The following FLT3 variants were observed in gnomAD, a reference collection of about 807,000 sequenced individuals.
FLT3 encodes receptor-type tyrosine-protein kinase FLT3.
FLT3 carries 46 observed loss-of-function variants against 126.6 expected under a neutral mutation model. The observed-to-expected ratio is 0.36, with a 90% confidence interval of 0.29 to 0.46. FLT3 has a LOEUF of 0.46. FLT3 is among the 20% of genes least tolerant of loss of function. FLT3 has a pLI of 1.00. For missense variants in FLT3, 1,069 were observed against 1,190.3 expected (o/e 0.90, Z 1.50); for synonymous variants, 404 against 434.4 (o/e 0.93, Z 0.87).
At chr13:28,061,228 C>T (rs904371271) in intron 3 of FLT3, among the ~76,000 whole-genome samples, 3 of 151,634 alleles carry the variant, frequency 2.0e-5, no homozygotes, top group African/African-American at 2.4e-5. Flanking sequence ...TGGTGGTGTG[C>T]GCCTGTGATC....
Position 28,085,420 on chromosome 13 carries a change from GT to G in FLT3, c.44-14809del, listed in dbSNP as rs199581457. Among the ~76,000 whole-genome samples, 94 of 151,428 alleles carry G rather than the reference GT, an allele frequency of 6.2e-4. 2 individuals are homozygous for G. In the East Asian group the frequency reaches 0.015, roughly 25 times the overall value. On this transcript the variant is annotated intron_variant, in intron 1 of 23. Transcript: ENST00000241453. ...TACTGTGACTATTGTTAGGTGGAAT[GT>G]TCCATAAATGTGATGTGGTCAAGTT... is the stretch of plus-strand genomic sequence containing the variant.
chr13:28,050,450 C>A (rs4769589), intron 5 of FLT3, among the ~76,000 whole-genome samples: 1 of 151,648 alleles, frequency 6.6e-6, no homozygotes, highest in Non-Finnish European at 1.5e-5. Flanking sequence ...AATTACATAA[C>A]AAAACAGTTT....
intron 1 of FLT3, among the ~76,000 whole-genome samples, chr13:28,084,973 T>TA (rs59333724): frequency 0.19 from 25,604 of 132,962 alleles, 2,425 homozygotes; most frequent in Middle Eastern, 0.23. Context: ...AGCCTTCCTC[T>TA]AAAAAAAAAA....
chr13:28,035,026 G>A (rs1873705562), intron 12 of FLT3, among the ~76,000 whole-genome samples: 2 of 152,126 alleles, frequency 1.3e-5, no homozygotes, highest in African/African-American at 4.8e-5. Flanking sequence ...TATGAAGGTC[G>A]CACATGAAAG....
At chr13:28,050,059 C>A in intron 6 of FLT3, 36 bp downstream of exon 6, 1 of 1,606,342 alleles carries the variant, frequency 6.2e-7, no homozygotes, top group South Asian at 1.1e-5. Context: ...AAGAACCGGT[C>A]ACTGAAAATG....
intron 1 of FLT3, among the ~76,000 whole-genome samples, chr13:28,099,383 T>C (rs796870805): frequency 2.0e-5 from 3 of 152,362 alleles, no homozygotes; most frequent in African/African-American, 7.2e-5. Flanking sequence ...GTTTTTCAAC[T>C]CTTTTCCCCC....
At chr13:28,012,767 T>A (rs769783769) in intron 23 of FLT3, among the ~76,000 whole-genome samples, 1 of 151,930 alleles carries the variant, frequency 6.6e-6, no homozygotes, top group Non-Finnish European at 1.5e-5. Context: ...AGAGCCCGTG[T>A]CTACCAAAAA....
intron 1 of FLT3, among the ~76,000 whole-genome samples, chr13:28,079,173 C>G (rs143707245): frequency 0.014 from 2,170 of 152,292 alleles, 57 homozygotes; most frequent in African/African-American, 0.047. Context: ...TCATCTTTCT[C>G]AAGTTCAAAG....
In FLT3 at chr13:28,076,538, A is replaced by G. The variant is rs1387619963; in HGVS notation, c.44-5926T>C. On this transcript the variant is annotated intron_variant, in intron 1 of 23. Transcript: ENST00000241453. ...AGGCCAAAGGCCTGAGAGCCCCCAG[A>G]AGGCTGCTGGTGCAAGTGTCAGAGT... Among the ~76,000 whole-genome samples the G allele has an allele frequency of 4.6e-5, 7 of 152,184 alleles. No individual in the cohort carries two copies. The East Asian group carries it at 1.3e-3, about 29-fold the overall frequency.
At chr13:28,051,882 A>G (rs532847781) in intron 5 of FLT3, among the ~76,000 whole-genome samples, 24 of 151,590 alleles carry the variant, frequency 1.6e-4, no homozygotes, top group Non-Finnish European at 2.5e-4. Flanking sequence ...CTACTTTAAA[A>G]TCAGTATCTT....
At chr13:28,004,573 G>A (rs1195148720) in intron 23 of FLT3, among the ~76,000 whole-genome samples, 1 of 152,080 alleles carries the variant, frequency 6.6e-6, no homozygotes, top group East Asian at 1.9e-4. Context: ...CTCCCAAAGT[G>A]CTGCGATTAC....
intron 9 of FLT3, among the ~76,000 whole-genome samples, chr13:28,040,561 CT>C (rs1475439001): frequency 6.6e-6 from 1 of 152,134 alleles, no homozygotes; most frequent in Non-Finnish European, 1.5e-5. Flanking sequence ...CAAAACGCCA[CT>C]GCGTAATTGC....
rs757572340 is a variant in FLT3 at position 28,028,302 on chromosome 13, G to A, written c.1943-14C>T. 10 of 1,384,556 alleles carry A rather than the reference G, an allele frequency of 7.2e-6. No homozygotes were observed. The highest frequency in any genetic ancestry group is 1.0e-5 in the Non-Finnish European group (10 of 971,910). 85.8% of individuals were successfully genotyped at this position (1,384,556 alleles called of 1,614,324 possible). On this transcript the variant is annotated splice_polypyrimidine_tract_variant and intron_variant, in intron 15 of 23. Coordinates refer to ENST00000241453, the MANE Select transcript of FLT3 (RefSeq NM_004119.3). ...TGTCTGCTTTTTCTGTCAAAGAAAG[G>A]AGCATTAAAAATGTAAAACTCAAGT...
intron 1 of FLT3, among the ~76,000 whole-genome samples, chr13:28,093,300 G>A (rs770138994): frequency 3.5e-4 from 53 of 150,650 alleles, no homozygotes; most frequent in Non-Finnish European, 6.2e-4. Flanking sequence ...GGGCTCAAGC[G>A]AGCCTCCCAT....
intron 3 of FLT3, among the ~76,000 whole-genome samples, chr13:28,060,320 G>A (rs61944748): frequency 0.22 from 33,274 of 150,676 alleles, 4,003 homozygotes; most frequent in African/African-American, 0.31. Context: ...TACTCAGGAG[G>A]CTGAGGCACG....
chr13:28,091,313 C>T (rs1389712419), intron 1 of FLT3, among the ~76,000 whole-genome samples: 1 of 143,608 alleles, frequency 7.0e-6, no homozygotes, highest in South Asian at 2.3e-4. Flanking sequence ...GCTCCGCCTC[C>T]CGGGTTCACG....
chr13:28,050,678 AG>A (rs1875361222), intron 5 of FLT3, among the ~76,000 whole-genome samples: 1 of 152,170 alleles, frequency 6.6e-6, no homozygotes, highest in South Asian at 2.1e-4. Flanking sequence ...GAGTTCCCAT[AG>A]GAACAGAGGA....
At chr13:28,096,436 A>G (rs1417612655) in intron 1 of FLT3, among the ~76,000 whole-genome samples, 2 of 148,088 alleles carry the variant, frequency 1.4e-5, no homozygotes, top group East Asian at 2.0e-4. Context: ...TCATTGACGC[A>G]TGCAATTTTT....
intron 1 of FLT3, among the ~76,000 whole-genome samples, chr13:28,071,504 C>G (rs67617046): frequency 0.028 from 4,208 of 152,098 alleles, 105 homozygotes; most frequent in African/African-American, 0.071. Flanking sequence ...TTGATTCCTT[C>G]TCTCCTCTTT....
Sources: allele counts gnomAD v4.1 joint callset (sites outside exome capture counted in the v4.1 genomes callset), GRCh38; gene constraint gnomAD v4.1.1; transcripts MANE v1.5; gene names NCBI Gene and HGNC (gene_info 2026-07-23, HGNC 2026-07-21).